FOLR2: variants seen among roughly 807,000 people sequenced by gnomAD.
The protein encoded by FOLR2 is folate receptor beta.
Under a neutral mutation model 20.4 loss-of-function variants are expected in FOLR2, and 14 were observed. That is an observed-to-expected ratio of 0.68 (90% CI 0.45 to 1.07). The LOEUF (loss-of-function observed/expected upper bound fraction) is 1.07. Among genes scored for constraint, FOLR2 ranks in the 50% least tolerant of loss-of-function variants. The pLI, the probability that FOLR2 is intolerant of heterozygous loss-of-function variation, is 0.00. For missense variants in FOLR2, 269 were observed against 322.6 expected (o/e 0.83, Z 1.27); for synonymous variants, 114 against 114.3 (o/e 1.00, Z 0.02).
intron 2 of FOLR2, 90 bp from the exon 3 acceptor site, chr11:72,220,780 G>T: frequency 1.3e-6 from 2 of 1,534,174 alleles, no homozygotes; most frequent in East Asian, 2.4e-5. Context: ...GCCTAGGGCA[G>T]AGGAGTAAGA....
chr11:72,220,177 A>C (rs1414924737), intron 2 of FOLR2, among the ~76,000 whole-genome samples: 1 of 152,158 alleles, frequency 6.6e-6, no homozygotes, highest in Non-Finnish European at 1.5e-5. Flanking sequence ...AAATATTTTC[A>C]TGGGCCTACT....
In FOLR2 at chr11:72,216,896, TGTATGCTCCCAGCAGC is replaced by T. The variant is rs1262302324; in HGVS notation, c.-53_-38del. Reference sequence around the variant, plus strand: ...AGAGAGGCCAACTCAGACACAGCCGTGTATGCTCCCAGCAGCAACGGAGGTTCAGGCAAGATGCCCG... The same window carrying T: ...AGAGAGGCCAACTCAGACACAGCCGTAACGGAGGTTCAGGCAAGATGCCCG... On this transcript the variant is annotated 5_prime_UTR_variant, in exon 1 of 5. It removes an upstream start codon present in the reference 5' UTR. Coordinates refer to ENST00000298223, the MANE Select transcript of FOLR2 (RefSeq NM_000803.5). 1 of 1,599,338 alleles carries T rather than the reference TGTATGCTCCCAGCAGC, an allele frequency of 6.3e-7. No individual in the cohort carries two copies. Among genetic ancestry groups the T allele is most frequent in the Non-Finnish European group, 8.5e-7 (1 of 1,179,800 alleles).
Position 72,219,849 on chromosome 11 carries a change from CT to C in FOLR2, c.151-1005del, listed in dbSNP as rs774060157. Among the ~76,000 whole-genome samples, 865 of 140,514 alleles carry C rather than the reference CT, an allele frequency of 6.2e-3. 4 individuals are homozygous for C. Among genetic ancestry groups the C allele is most frequent in the African/African-American group, 0.017 (649 of 38,470 alleles). 92.2% of individuals were successfully genotyped at this position (140,514 alleles called of 152,430 possible). ...ATTTAAAAAGTAGGGCTTTTGCTTA[CT>C]TTTTTTTTTTTTTTTGAGAAGGAGT... On this transcript the variant is annotated intron_variant, in intron 2 of 4. Coordinates refer to ENST00000298223, the MANE Select transcript of FOLR2 (RefSeq NM_000803.5).
intron 1 of FOLR2, chr11:72,217,242 C>T (rs1948406004): frequency 3.4e-6 from 2 of 595,680 alleles, no homozygotes; most frequent in Middle Eastern, 3.4e-4. Flanking sequence ...TCAGGCTGGT[C>T]TCGAACTCTT....
chr11:72,217,971 G>T (rs752633764), intron 1 of FOLR2, among the ~76,000 whole-genome samples: 27 of 152,128 alleles, frequency 1.8e-4, no homozygotes, highest in Non-Finnish European at 3.7e-4. Context: ...AATAGGGAAG[G>T]AAAAAGTCTG....
rs189183517 is a variant in FOLR2 at position 72,217,206 on chromosome 11, G to A, written c.-25+281G>A. The A allele has an allele frequency of 2.6e-5, 13 of 503,294 alleles. No homozygotes were observed. The Admixed American group carries it at 3.3e-4, about 13-fold the overall frequency. The allele number at this position is 503,294 out of a possible 1,614,324, so 31.2% of individuals were successfully genotyped here. A position where few individuals can be genotyped will look rare whatever the true frequency, so the allele number is the denominator to read the frequency against. ...CGCCTGGCTAATTTTTGTATTTTTA[G>A]TAGAGACGGGGTTTCATCATGTTGG... On this transcript the variant is annotated intron_variant, in intron 1 of 4. Transcript: ENST00000298223.
rs920912243 is a variant in FOLR2 at position 72,221,331 on chromosome 11, G to A, written c.475+20G>A. On this transcript the variant is annotated intron_variant, in intron 4 of 4. Transcript: ENST00000298223. ...CCTCAGGTGAGGGTGATTGAGTTGG[G>A]GTTAGGAAAAAGGAGATTGAGGTAG... The A allele has an allele frequency of 6.2e-7, 1 of 1,609,964 alleles. No individual in the cohort carries two copies. Among genetic ancestry groups the A allele is most frequent in the Non-Finnish European group, 8.5e-7 (1 of 1,177,344 alleles).
rs140643936 is a variant in FOLR2 at position 72,220,984 on chromosome 11, G to T, written c.265G>T (p.Ala89Ser). ...GGACCACTGCGGCAAGATGGAGCCC[G>T]CCTGCAAGCGCCACTTCATCCAGGA... ...NWDHCGKMEP[A>S]CKRHFIQDTC... The change falls in exon 3 of 5, where the codon GCC (alanine) becomes TCC (serine). Residue 89 changes from alanine (A) to serine (S), a missense_variant. Physicochemically the swap from Ala to Ser is moderately conservative, Grantham distance 99. Transcript: ENST00000298223. 8 of 1,613,788 alleles carry T rather than the reference G, an allele frequency of 5.0e-6. No individual in the cohort carries two copies. The South Asian group carries it at 7.7e-5, about 16-fold the overall frequency.
At position 72,216,945 on chromosome 11, in the gene FOLR2, G is replaced by A; in HGVS notation, c.-25+20G>A. On this transcript the variant is annotated intron_variant, in intron 1 of 4. Transcript: ENST00000298223. ...GTTCAGGCAAGATGCCCGAAGGAGGGAAGGGTGACAAGGGCAGTGGGGAGA... is the reference window on the plus strand; with the variant it reads ...GTTCAGGCAAGATGCCCGAAGGAGGAAAGGGTGACAAGGGCAGTGGGGAGA... The A allele has an allele frequency of 6.3e-7, 1 of 1,599,440 alleles. No homozygotes were observed. Among genetic ancestry groups the A allele is most frequent in the South Asian group, 1.1e-5 (1 of 91,078 alleles).
intron 1 of FOLR2, chr11:72,217,334 T>C (rs770678539): frequency 2.3e-6 from 3 of 1,281,202 alleles, no homozygotes; most frequent in South Asian, 1.2e-5. Context: ...CATCTTTCTT[T>C]AGAAAGATCA....
chr11:72,220,258 A>G (rs1025513593), intron 2 of FOLR2, among the ~76,000 whole-genome samples: 3 of 152,248 alleles, frequency 2.0e-5, no homozygotes, highest in Non-Finnish European at 4.4e-5. Flanking sequence ...AAATATATTC[A>G]AACTCCATTA....
chr11:72,219,897 G>A (rs1948455009), intron 2 of FOLR2, among the ~76,000 whole-genome samples: 1 of 151,432 alleles, frequency 6.6e-6, no homozygotes, highest in Non-Finnish European at 1.5e-5. Context: ...GCCCAGGCTG[G>A]AGTGCAATGG....
In FOLR2 at chr11:72,217,310, A is replaced by C. The variant is rs1948407164; in HGVS notation, c.-25+385A>C. ...AGTGCTGGGATTACAGGCGTGAGCC[A>C]CTGTGCCCGGCCACATCTTTCTTTA... On this transcript the variant is annotated intron_variant, in intron 1 of 4. Coordinates refer to ENST00000298223, the MANE Select transcript of FOLR2 (RefSeq NM_000803.5). The C allele has an allele frequency of 3.3e-6, 4 of 1,213,614 alleles. No individual in the cohort carries two copies. In the South Asian group the frequency reaches 5.0e-5, roughly 15 times the overall value. 75.2% of individuals were successfully genotyped at this position (1,213,614 alleles called of 1,614,324 possible).
chr11:72,221,578 A>G lies in FOLR2; in HGVS notation c.584A>G (p.Asn195Ser). 1 of 1,614,188 alleles carries G rather than the reference A, an allele frequency of 6.2e-7. No individual in the cohort carries two copies. Among genetic ancestry groups the G allele is most frequent in the Admixed American group, 1.7e-5 (1 of 60,032 alleles). The change falls in exon 5 of 5, where the codon AAC becomes AGC. Residue 195 changes from asparagine to serine, a missense_variant. Coordinates refer to ENST00000298223, the MANE Select transcript of FOLR2 (RefSeq NM_000803.5). ...GLWSHSYKVSNYSRGSGRCIQ... is the reference protein window; with the variant it reads ...GLWSHSYKVSSYSRGSGRCIQ... Reference sequence around the variant, plus strand: ...TGGAGTCACTCATACAAGGTCAGCAACTACAGCCGAGGGAGCGGCCGCTGC... The same window carrying G: ...TGGAGTCACTCATACAAGGTCAGCAGCTACAGCCGAGGGAGCGGCCGCTGC...
At chr11:72,221,139 G>T (rs1051046742) in intron 3 of FOLR2, 37 bp from the exon 4 acceptor site, 2 of 1,501,506 alleles carry the variant, frequency 1.3e-6, no homozygotes, top group African/African-American at 3.2e-5. Context: ...CAGCATCCCT[G>T]GCTGAGAGGA....
chr11:72,217,240 G>T, intron 1 of FOLR2: 1 of 578,716 alleles, frequency 1.7e-6, no homozygotes, highest in Non-Finnish European at 2.9e-6. Context: ...GGTCAGGCTG[G>T]TCTCGAACTC....
At chr11:72,220,848 G>C in intron 2 of FOLR2, 22 bp from the exon 3 acceptor site, 1 of 1,613,678 alleles carries the variant, frequency 6.2e-7, no homozygotes, top group Non-Finnish European at 8.5e-7. Context: ...GAGGCACTTA[G>C]TCCTGTGTCT....
chr11:72,219,864 T>C (rs1948454521), intron 2 of FOLR2, among the ~76,000 whole-genome samples: 1 of 151,874 alleles, frequency 6.6e-6, no homozygotes, highest in Non-Finnish European at 1.5e-5. Context: ...TTTTTTTTTT[T>C]TGAGAAGGAG....
chr11:72,219,727 A>G (rs1207730089), intron 2 of FOLR2, among the ~76,000 whole-genome samples: 2 of 152,242 alleles, frequency 1.3e-5, no homozygotes, highest in East Asian at 1.9e-4. Flanking sequence ...ACCACATAGT[A>G]CAGCCTTCTA....
Sources: gnomAD v4.1 joint callset for allele counts (sites outside exome capture counted in the v4.1 genomes callset) on GRCh38, gnomAD v4.1.1 for gene constraint, MANE v1.5 for transcripts, NCBI Gene and HGNC (gene_info 2026-07-23, HGNC 2026-07-21) for gene names.